The following KIAA1671 variants were observed in gnomAD, a reference collection of about 807,000 sequenced individuals.
KIAA1671 encodes KIAA1671.
A neutral mutation model predicts 131.2 loss-of-function variants in KIAA1671; 52 were observed. That is an observed-to-expected ratio of 0.40 (90% CI 0.32 to 0.50). The LOEUF (loss-of-function observed/expected upper bound fraction) is 0.50, where lower values mean the gene tolerates loss of function less well. Among genes scored for constraint, KIAA1671 ranks in the 20% least tolerant of loss-of-function variants. The pLI is 0.73. For synonymous variants in KIAA1671, 1,003 were observed against 961.6 expected (o/e 1.04, Z -0.80); for missense variants, 2,360 against 2,364.2 (o/e 1.00, Z 0.04).
At chr22:24,985,779 GGAGA>G (rs147630044) in intron 1 of KIAA1671, among the ~76,000 whole-genome samples, 13 of 150,338 alleles carry the variant, frequency 8.6e-5, no homozygotes, top group East Asian at 1.9e-4. Flanking sequence ...TATGGTGAGG[GGAGA>G]GAGAGAGAGA....
At chr22:24,967,755 G>C (rs1195440435) in intron 1 of KIAA1671, among the ~76,000 whole-genome samples, 2 of 152,204 alleles carry the variant, frequency 1.3e-5, no homozygotes, top group African/African-American at 4.8e-5. Context: ...CACTCTGGGA[G>C]GCCAAGGTGG....
chr22:25,026,589 G>A (rs1925954800), intron 2 of KIAA1671, among the ~76,000 whole-genome samples: 1 of 152,150 alleles, frequency 6.6e-6, no homozygotes, highest in Non-Finnish European at 1.5e-5. Context: ...AATTACCTGG[G>A]CGTGGTGGCA....
intron 6 of KIAA1671, among the ~76,000 whole-genome samples, chr22:25,123,042 A>G (rs1252838716): frequency 6.6e-6 from 1 of 152,064 alleles, no homozygotes; most frequent in East Asian, 1.9e-4. Flanking sequence ...AATAGTTGGC[A>G]AGGCACAGTC....
chr22:25,034,302 T>C (rs1020107353), intron 4 of KIAA1671, among the ~76,000 whole-genome samples: 6 of 152,060 alleles, frequency 3.9e-5, no homozygotes, highest in Admixed American at 2.6e-4. Flanking sequence ...CACCTCGGCC[T>C]CCAAAAGTGC....
At position 25,190,661 on chromosome 22, in the gene KIAA1671, G is replaced by A. The variant is rs1378739013; in HGVS notation, c.5343-41G>A. On this transcript the variant is annotated intron_variant, in intron 11 of 12. Transcript: ENST00000358431. The stretch of plus-strand genomic sequence containing the variant: ...CAGTCCTGCCCGCAAGGAGCCCACA[G>A]TCTGGTTTCAACTAGTCTCTTACTG... 4 of 1,509,096 alleles carry A rather than the reference G, an allele frequency of 2.7e-6. No homozygotes were observed. In the Admixed American group the frequency reaches 5.9e-5, roughly 22 times the overall value. 93.5% of individuals were successfully genotyped at this position (1,509,096 alleles called of 1,614,324 possible). A position where few individuals can be genotyped will look rare whatever the true frequency, so the allele number is the denominator to read the frequency against.
At chr22:25,111,193 C>G (rs1050403888) in intron 6 of KIAA1671, among the ~76,000 whole-genome samples, 1 of 152,248 alleles carries the variant, frequency 6.6e-6, no homozygotes, top group African/African-American at 2.4e-5. Context: ...GCAGTGCTAA[C>G]CTTCCCGGGG....
chr22:25,176,766 C>A (rs77088588), intron 8 of KIAA1671: 2,592 of 152,342 alleles, frequency 0.017, 35 homozygotes, highest in Non-Finnish European at 0.026. Context: ...ACCAACCCCC[C>A]ACCTGTCGCA....
chr22:25,075,366 T>G (rs1601287709), intron 6 of KIAA1671, among the ~76,000 whole-genome samples: 1 of 152,218 alleles, frequency 6.6e-6, no homozygotes, highest in East Asian at 1.9e-4. Context: ...TTATTCTACT[T>G]TCACCAGTTT....
At chr22:25,192,080 C>T (rs1040123317) in intron 12 of KIAA1671, among the ~76,000 whole-genome samples, 2 of 151,986 alleles carry the variant, frequency 1.3e-5, no homozygotes, top group East Asian at 1.9e-4. Flanking sequence ...GATAAGGGAT[C>T]GGGACCTGTG....
chr22:25,192,428 C>T lies in KIAA1671; in HGVS notation c.*27C>T, dbSNP rs760061849. The T allele has an allele frequency of 4.7e-4, 71 of 152,394 alleles. No individual in the cohort carries two copies. The highest frequency in any genetic ancestry group is 8.2e-4 in the Non-Finnish European group (56 of 68,058). 9.4% of individuals were successfully genotyped at this position (152,394 alleles called of 1,614,324 possible). ...CAGGCAGGGAACACTGCCACATCTA[C>T]GTAACAGAAGCCTTAACCATCAGAA... On this transcript the variant is annotated 3_prime_UTR_variant, in exon 13 of 13. Coordinates refer to ENST00000358431, the MANE Select transcript of KIAA1671 (RefSeq NM_001145206.2).
intron 11 of KIAA1671, among the ~76,000 whole-genome samples, chr22:25,188,981 T>C (rs1479255026): frequency 2.0e-5 from 3 of 152,114 alleles, no homozygotes; most frequent in Non-Finnish European, 4.4e-5. Flanking sequence ...TATGTATGTA[T>C]AGAGATTGAT....
rs1934807045 is a variant in KIAA1671 at position 25,195,779 on chromosome 22, A to G, written c.*3378A>G. 3 of 152,052 alleles carry G rather than the reference A, an allele frequency of 2.0e-5. No homozygotes were observed. The highest frequency in any genetic ancestry group is 2.0e-4 in the Admixed American group (3 of 15,260). 9.4% of individuals were successfully genotyped at this position (152,052 alleles called of 1,614,324 possible). A position where few individuals can be genotyped will look rare whatever the true frequency, so the allele number is the denominator to read the frequency against. On this transcript the variant is annotated 3_prime_UTR_variant, in exon 13 of 13. Coordinates refer to ENST00000358431, the MANE Select transcript of KIAA1671 (RefSeq NM_001145206.2). ...CCAGATGGCTCCTGGAACTAGTCGT[A>G]ATTGCAAACTGTAAAAATCCCTCCT...
chr22:25,071,064 A>G (rs1220495880), intron 6 of KIAA1671, among the ~76,000 whole-genome samples: 1 of 152,218 alleles, frequency 6.6e-6, no homozygotes, highest in African/African-American at 2.4e-5. Flanking sequence ...TGCCTGGGCA[A>G]GTTACTTCTC....
chr22:25,064,477 T>C (rs1928359264), intron 6 of KIAA1671: 1 of 152,210 alleles, frequency 6.6e-6, no homozygotes, highest in Non-Finnish European at 1.5e-5. Context: ...TTATTTTACG[T>C]GAAGGAGTGG....
At chr22:24,980,754 T>A (rs1017086876) in intron 1 of KIAA1671, among the ~76,000 whole-genome samples, 12 of 151,654 alleles carry the variant, frequency 7.9e-5, no homozygotes, top group African/African-American at 2.7e-4. Context: ...ATTATTATTT[T>A]TTTTTTTTTG....
In KIAA1671 at chr22:25,017,234, T is replaced by A. The variant is rs568768504; in HGVS notation, c.-207-8399T>A. 8.5e-5 allele frequency among the ~76,000 whole-genome samples: 13 copies of A among 152,220 alleles called. No homozygotes were observed. In the South Asian group the frequency reaches 2.7e-3, roughly 32 times the overall value. On this transcript the variant is annotated intron_variant, in intron 1 of 12. Transcript: ENST00000358431. ...CCCGTCTCTACTAAAAATACAAAAG[T>A]TAGCTGGGCCTGGTGGCAGGCGCCT...
Position 25,107,469 on chromosome 22 carries a change from C to CTTTTTT in KIAA1671, c.4530+58123_4530+58128dup, listed in dbSNP as rs765558092. Among the ~76,000 whole-genome samples the CTTTTTT allele has an allele frequency of 5.7e-4, 39 of 68,508 alleles. 7 individuals are homozygous for CTTTTTT. The highest frequency in any genetic ancestry group is 2.1e-3 in the African/African-American group (35 of 16,376). The allele number at this position is 68,508 out of a possible 152,430, so 44.9% of individuals were successfully genotyped here. The stretch of plus-strand genomic sequence containing the variant: ...AAAATGTAGCCATCCATCCATGGCA[C>CTTTTTT]TTTTTTTTTTTTTTTTTTTTTTTGA... On this transcript the variant is annotated intron_variant, in intron 6 of 12. Coordinates refer to ENST00000358431, the MANE Select transcript of KIAA1671 (RefSeq NM_001145206.2).
rs566553524 is a variant in KIAA1671 at position 25,138,249 on chromosome 22, C to T, written c.4531-32571C>T. Among the ~76,000 whole-genome samples, 120 of 152,260 alleles carry T rather than the reference C, an allele frequency of 7.9e-4. 3 individuals carry two copies. In the South Asian group the frequency reaches 0.024, roughly 30 times the overall value. ...GGAATAGGTTGCCTGTGGGAACAGCCGGCTGCATGGCTGATGGAAGGAGAT... is the reference window on the plus strand; with the variant it reads ...GGAATAGGTTGCCTGTGGGAACAGCTGGCTGCATGGCTGATGGAAGGAGAT... On this transcript the variant is annotated intron_variant, in intron 6 of 12. Coordinates refer to ENST00000358431, the MANE Select transcript of KIAA1671 (RefSeq NM_001145206.2).
At chr22:25,003,991 G>C (rs1003393817) in intron 1 of KIAA1671, among the ~76,000 whole-genome samples, 1 of 150,750 alleles carries the variant, frequency 6.6e-6, no homozygotes, top group African/African-American at 2.4e-5. Context: ...CTAATTTTTT[G>C]TATCTTTAGT....
Sources: gnomAD v4.1 joint callset for allele counts (sites outside exome capture counted in the v4.1 genomes callset) on GRCh38, gnomAD v4.1.1 for gene constraint, MANE v1.5 for transcripts, NCBI Gene and HGNC (gene_info 2026-07-23, HGNC 2026-07-21) for gene names.